The following TRPM3 variants were observed in gnomAD, a reference collection of about 807,000 sequenced individuals.
TRPM3 encodes the protein long transient receptor potential channel 3.
TRPM3 carries 77 observed loss-of-function variants against 181.2 expected under a neutral mutation model. The observed-to-expected ratio is 0.42, with a 90% CI of 0.35 to 0.51. The LOEUF is 0.51. Ranked by LOEUF, TRPM3 falls within the 20% of genes least tolerant of loss-of-function variation. TRPM3 has a pLI of 0.01. For synonymous variants in TRPM3, 745 were observed against 796.4 expected, an observed-to-expected ratio of 0.94 and a Z score of 1.09; for missense variants, 1,759 against 2,196.7, an observed-to-expected ratio of 0.80 and a Z score of 3.98.
chr9:70,931,897 C>T (rs1386129064), intron 1 of TRPM3, among the ~76,000 whole-genome samples: 2 of 152,150 alleles, frequency 1.3e-5, no homozygotes, highest in Non-Finnish European at 2.9e-5. Flanking sequence ...GCATTTGTTG[C>T]TTTACCAATA....
chr9:71,372,699 A>G (rs1565508887), intron 1 of TRPM3, among the ~76,000 whole-genome samples: 1 of 152,106 alleles, frequency 6.6e-6, no homozygotes, highest in Non-Finnish European at 1.5e-5. Context: ...TTTAATGAGG[A>G]TCATTTCACA....
In TRPM3 at chr9:70,615,891, G is replaced by A. The variant is rs748483581; in HGVS notation, c.2526+17C>T. The A allele has an allele frequency of 1.9e-6, 3 of 1,592,838 alleles. No individual in the cohort carries two copies. Among genetic ancestry groups the A allele is most frequent in the Non-Finnish European group, 2.6e-6 (3 of 1,173,488 alleles). On this transcript the variant is annotated intron_variant, in intron 18 of 25. Coordinates refer to ENST00000677713, the MANE Select transcript of TRPM3 (RefSeq NM_001366145.2). Reference sequence around the variant, plus strand: ...GGAATTCTGCCCATAGAGAATAACTGTGCAATGTTTTCTTACTGTGAGCTC... The same window carrying A: ...GGAATTCTGCCCATAGAGAATAACTATGCAATGTTTTCTTACTGTGAGCTC...
chr9:70,620,167 C>T lies in TRPM3; in HGVS notation c.2038G>A (p.Val680Met). 3 of 1,614,194 alleles carry T rather than the reference C, an allele frequency of 1.9e-6. No homozygotes were observed. Among genetic ancestry groups the T allele is most frequent in the Non-Finnish European group, 2.5e-6 (3 of 1,180,040 alleles). The change falls in exon 16 of 26, where the codon GTG (valine) becomes ATG (methionine). Residue 680 changes from valine to methionine, a missense_variant. Transcript: ENST00000677713. ...ATGGCTTTGCAGAGCTTGCAGGCCA[C>T]CAGGGCCTTGGCCATGGCCTCCTCA... ...HGEEAMAKAL[V>M]ACKLCKAMAH... is the part of the protein sequence containing the mutation.
intron 1 of TRPM3, among the ~76,000 whole-genome samples, chr9:71,082,736 T>A (rs2064575351): frequency 1.3e-5 from 2 of 152,048 alleles, no homozygotes; most frequent in South Asian, 4.2e-4. Flanking sequence ...GTGATCTACA[T>A]CAGGAAAAAC....
chr9:71,120,808 G>T (rs536064632), intron 1 of TRPM3, among the ~76,000 whole-genome samples: 2 of 152,264 alleles, frequency 1.3e-5, no homozygotes, highest in Admixed American at 1.3e-4. Context: ...AAAAGCCCAG[G>T]AGCCAAACAC....
At chr9:70,643,902 T>C (rs1372434611) in intron 9 of TRPM3, among the ~76,000 whole-genome samples, 1 of 152,222 alleles carries the variant, frequency 6.6e-6, no homozygotes, top group Admixed American at 6.5e-5. Context: ...TTCATTTACT[T>C]ATGCGTTCAA....
intron 1 of TRPM3, among the ~76,000 whole-genome samples, chr9:71,360,602 T>G (rs2092101536): frequency 6.6e-6 from 1 of 152,204 alleles, no homozygotes; most frequent in African/African-American, 2.4e-5. Flanking sequence ...CATGCTGCTC[T>G]CATGAGCTTG....
intron 8 of TRPM3, among the ~76,000 whole-genome samples, chr9:70,740,610 T>C (rs942251321): frequency 1.3e-5 from 2 of 152,176 alleles, no homozygotes; most frequent in African/African-American, 2.4e-5. Flanking sequence ...CAAAACAGCA[T>C]GGTACTGGCA....
At chr9:70,768,959 T>C (rs1280952604) in intron 7 of TRPM3, among the ~76,000 whole-genome samples, 2 of 152,162 alleles carry the variant, frequency 1.3e-5, no homozygotes. Flanking sequence ...AAAATATTTT[T>C]CCAGTTTTCC....
At chr9:71,214,381 A>G (rs1179706119) in intron 1 of TRPM3, among the ~76,000 whole-genome samples, 3 of 152,184 alleles carry the variant, frequency 2.0e-5, no homozygotes, top group Non-Finnish European at 4.4e-5. Flanking sequence ...ACAACCCAGC[A>G]TCTCCATTCC....
intron 1 of TRPM3, among the ~76,000 whole-genome samples, chr9:71,202,385 C>G (rs917727720): frequency 4.6e-5 from 7 of 152,132 alleles, no homozygotes; most frequent in African/African-American, 1.7e-4. Flanking sequence ...ACATCTAAGT[C>G]TGCAGAGGTT....
chr9:70,603,101 C>CG (rs2060367636), intron 20 of TRPM3, among the ~76,000 whole-genome samples: 2 of 152,148 alleles, frequency 1.3e-5, no homozygotes, highest in Admixed American at 1.3e-4. Context: ...CTTCTTGGGA[C>CG]AAAGGCTACG....
chr9:71,209,898 C>G (rs1310777017), intron 1 of TRPM3, among the ~76,000 whole-genome samples: 1 of 152,176 alleles, frequency 6.6e-6, no homozygotes, highest in Non-Finnish European at 1.5e-5. Flanking sequence ...GACCTTGTAG[C>G]AGAGACCATA....
At chr9:70,802,119 T>C (rs2089283767) in intron 6 of TRPM3, among the ~76,000 whole-genome samples, 1 of 152,170 alleles carries the variant, frequency 6.6e-6, no homozygotes, top group African/African-American at 2.4e-5. Flanking sequence ...TTGAGAACAG[T>C]GTCCTAGCGT....
chr9:70,805,205 G>A (rs73461956), intron 6 of TRPM3, among the ~76,000 whole-genome samples: 2,648 of 150,646 alleles, frequency 0.018, 71 homozygotes, highest in African/African-American at 0.061. Flanking sequence ...GAGGAGGGTG[G>A]GGTGAGAGAG....
At chr9:70,943,542 T>C (rs753773673) in intron 1 of TRPM3, among the ~76,000 whole-genome samples, 3 of 152,208 alleles carry the variant, frequency 2.0e-5, no homozygotes, top group South Asian at 2.1e-4. Flanking sequence ...ATAATTTTTA[T>C]TGACTATGTG....
At chr9:71,445,424 A>T (rs1402015096) in intron 1 of TRPM3, among the ~76,000 whole-genome samples, 2 of 152,210 alleles carry the variant, frequency 1.3e-5, no homozygotes, top group Non-Finnish European at 2.9e-5. Context: ...CCTGAAGTAA[A>T]ATCACTTGCC....
intron 1 of TRPM3, among the ~76,000 whole-genome samples, chr9:71,407,633 T>A (rs1333413928): frequency 1.3e-5 from 2 of 152,164 alleles, no homozygotes; most frequent in Admixed American, 6.5e-5. Flanking sequence ...CTCTGTAGAC[T>A]CCACCTCTGG....
chr9:71,004,042 CA>C (rs2097647198), intron 1 of TRPM3, among the ~76,000 whole-genome samples: 3 of 152,204 alleles, frequency 2.0e-5, no homozygotes, highest in Admixed American at 1.3e-4. Context: ...TCATGTCCCA[CA>C]AGAACCACTG....
Sources: gnomAD v4.1 joint callset for allele counts (sites outside exome capture counted in the v4.1 genomes callset) on GRCh38, gnomAD v4.1.1 for gene constraint, MANE v1.5 for transcripts, NCBI Gene and HGNC (gene_info 2026-07-23, HGNC 2026-07-21) for gene names.